CATSPERE: variants seen among roughly 807,000 people sequenced by gnomAD.
The protein encoded by CATSPERE is catsper channel auxiliary subunit epsilon, also known as cation channel sperm-associated auxiliary subunit epsilon.
CATSPERE carries 93 observed loss-of-function variants against 114.1 expected under a neutral mutation model. The ratio of observed to expected loss-of-function variants is 0.81; its 90% CI spans 0.69 to 0.97. The LOEUF is 0.97. Ranked by LOEUF, CATSPERE falls within the 50% of genes least tolerant of loss-of-function variation. The probability of loss-of-function intolerance (pLI) is 0.00; values close to 1 mark genes in which losing one functional copy is unlikely to be tolerated. For synonymous variants in CATSPERE, 341 were observed against 384.1 expected (o/e 0.89, Z 1.31); for missense variants, 1,058 against 1,131.6 (o/e 0.93, Z 0.93).
intron 6 of CATSPERE, among the ~76,000 whole-genome samples, chr1:244,492,279 G>C (rs1345508771): frequency 2.2e-5 from 3 of 138,066 alleles, no homozygotes; most frequent in Non-Finnish European, 3.1e-5. Flanking sequence ...GGGATGCAAG[G>C]CTGGTTCAAC....
chr1:244,593,424 A>G lies in CATSPERE; in HGVS notation c.2219A>G (p.Asn740Ser). 6.2e-7 allele frequency: 1 copy of G among 1,613,374 alleles called. No homozygotes were observed. The highest frequency in any genetic ancestry group is 2.2e-5 in the East Asian group (1 of 44,874). Residue 740 changes from asparagine (N) to serine (S), a missense_variant, in exon 16 of 22, where the codon AAC (asparagine) becomes AGC (serine). By Grantham distance (46) the Asn-to-Ser change is conservative. Coordinates refer to ENST00000366534, the MANE Select transcript of CATSPERE (RefSeq NM_001130957.2). ...KSYLRHQPSKNLRVRYIWGEY... is the reference protein window; with the variant it reads ...KSYLRHQPSKSLRVRYIWGEY... ...TATCTGAGGCATCAGCCATCGAAAA[A>G]CTTGGTAAGAAAATGATAAAATTCT... is the stretch of plus-strand genomic sequence containing the variant.
chr1:244,603,825 G>A (rs1361779657), intron 17 of CATSPERE, among the ~76,000 whole-genome samples: 1 of 152,114 alleles, frequency 6.6e-6, no homozygotes, highest in African/African-American at 2.4e-5. Flanking sequence ...GGACAACATA[G>A]TGAGACTCCC....
intron 19 of CATSPERE, among the ~76,000 whole-genome samples, chr1:244,610,874 C>T (rs1670633078): frequency 6.6e-6 from 1 of 152,006 alleles, no homozygotes; most frequent in South Asian, 2.1e-4. Context: ...GATTCTCCTG[C>T]CTCAGCCTCC....
At chr1:244,462,223 C>T (rs1666936966) in intron 1 of CATSPERE, among the ~76,000 whole-genome samples, 1 of 152,138 alleles carries the variant, frequency 6.6e-6, no homozygotes, top group Non-Finnish European at 1.5e-5. Context: ...TATAACAGTG[C>T]CCTTTTCATT....
intron 8 of CATSPERE, among the ~76,000 whole-genome samples, chr1:244,527,344 A>G (rs554679453): frequency 6.6e-5 from 10 of 152,324 alleles, no homozygotes; most frequent in Non-Finnish European, 5.9e-5. Flanking sequence ...TTGCTGAGAA[A>G]AAGAATTCAG....
At chr1:244,503,841 G>T (rs772169049) in intron 7 of CATSPERE, among the ~76,000 whole-genome samples, 8 of 152,120 alleles carry the variant, frequency 5.3e-5, no homozygotes, top group East Asian at 3.9e-4. Context: ...AAAGCACTGG[G>T]ATTACAGGTG....
At chr1:244,455,503 G>C (rs1224920506) in intron 1 of CATSPERE, among the ~76,000 whole-genome samples, 1 of 151,272 alleles carries the variant, frequency 6.6e-6, no homozygotes, top group Non-Finnish European at 1.5e-5. Flanking sequence ...AATTTTTAAG[G>C]GTTTTTTTTT....
At chr1:244,464,374 T>C (rs1667266737) in intron 2 of CATSPERE, among the ~76,000 whole-genome samples, 2 of 152,200 alleles carry the variant, frequency 1.3e-5, no homozygotes, top group South Asian at 4.1e-4. Context: ...TTCTACTTCA[T>C]TTCTTCTTAT....
intron 5 of CATSPERE, among the ~76,000 whole-genome samples, chr1:244,485,555 CT>C (rs1355186073): frequency 6.6e-6 from 1 of 151,818 alleles, no homozygotes; most frequent in African/African-American, 2.4e-5. Flanking sequence ...TGTATATCAC[CT>C]TTTAATTCTG....
At chr1:244,549,483 TA>T in intron 8 of CATSPERE, among the ~76,000 whole-genome samples, 1 of 152,294 alleles carries the variant, frequency 6.6e-6, no homozygotes, top group East Asian at 1.9e-4. Context: ...CTTCCTCTCT[TA>T]TCCCCTTATT....
At chr1:244,590,285 A>G (rs1667555545) in intron 14 of CATSPERE, among the ~76,000 whole-genome samples, 1 of 152,236 alleles carries the variant, frequency 6.6e-6, no homozygotes, top group Non-Finnish European at 1.5e-5. Context: ...CCTTACCTGC[A>G]CAATAGTAGC....
At chr1:244,546,638 AGATT>A (rs1659799083) in intron 8 of CATSPERE, among the ~76,000 whole-genome samples, 1 of 152,366 alleles carries the variant, frequency 6.6e-6, no homozygotes. Flanking sequence ...AATTTAACAG[AGATT>A]GATTTTTTTA....
At chr1:244,497,656 G>A (rs1673319180) in intron 6 of CATSPERE, among the ~76,000 whole-genome samples, 4 of 152,128 alleles carry the variant, frequency 2.6e-5, no homozygotes, top group Admixed American at 2.0e-4. Flanking sequence ...AAATAGCCGG[G>A]CATGGTGCTG....
chr1:244,596,094 G>T (rs746081334), intron 17 of CATSPERE, among the ~76,000 whole-genome samples: 7 of 152,238 alleles, frequency 4.6e-5, no homozygotes, highest in Middle Eastern at 6.8e-3. Flanking sequence ...CAACCCTGTC[G>T]ATCAAAACAG....
chr1:244,632,710 T>C (rs1351592330), intron 20 of CATSPERE, among the ~76,000 whole-genome samples: 1 of 151,676 alleles, frequency 6.6e-6, no homozygotes, highest in African/African-American at 2.4e-5. Context: ...ACTTTATTAA[T>C]ACAAAAAGGG....
intron 19 of CATSPERE, among the ~76,000 whole-genome samples, chr1:244,617,249 A>G (rs2148707567): frequency 6.6e-6 from 1 of 152,266 alleles, no homozygotes; most frequent in East Asian, 1.9e-4. Context: ...TCTTTGGAAC[A>G]TTTTGTATTT....
At chr1:244,459,803 C>T (rs1333843912), upstream of CATSPERE, among the ~76,000 whole-genome samples, 1 of 152,204 alleles carries the variant, frequency 6.6e-6, no homozygotes, top group Admixed American at 6.5e-5. Context: ...TGTAGTAAAA[C>T]TATAGATGAG....
chr1:244,511,000 C>T (rs1458419071), intron 7 of CATSPERE, among the ~76,000 whole-genome samples: 1 of 151,790 alleles, frequency 6.6e-6, no homozygotes, highest in African/African-American at 2.4e-5. Flanking sequence ...CCCACCAGCA[C>T]ACCTGGCTAA....
intron 7 of CATSPERE, among the ~76,000 whole-genome samples, chr1:244,512,658 T>G (rs1340513438): frequency 2.0e-5 from 3 of 152,210 alleles, no homozygotes; most frequent in Admixed American, 2.0e-4. Context: ...TCTTGTGTCT[T>G]GCACAGATAC....
Sources: allele counts gnomAD v4.1 joint callset (sites outside exome capture counted in the v4.1 genomes callset), GRCh38; gene constraint gnomAD v4.1.1; transcripts MANE v1.5; gene names NCBI Gene and HGNC (gene_info 2026-07-23, HGNC 2026-07-21).